Variants in NEDD4L observed in about 807,000 individuals in gnomAD.
NEDD4L encodes E3 ubiquitin-protein ligase NEDD4-like.
Under a neutral mutation model 148.9 loss-of-function variants are expected in NEDD4L, and 54 were observed. That is an observed-to-expected ratio of 0.36 (90% CI 0.29 to 0.45). The LOEUF is 0.45. Among genes scored for constraint, NEDD4L ranks in the 20% least tolerant of loss-of-function variants. The probability of loss-of-function intolerance (pLI) is 1.00; values close to 1 mark genes in which losing one functional copy is unlikely to be tolerated. For synonymous variants in NEDD4L, 433 were observed against 440.7 expected (o/e 0.98, Z 0.22); for missense variants, 856 against 1,233.8 (o/e 0.69, Z 4.59).
chr18:58,189,434 T>G (rs73450421), intron 2 of NEDD4L, among the ~76,000 whole-genome samples: 3,523 of 152,284 alleles, frequency 0.023, 131 homozygotes, highest in African/African-American at 0.079. Context: ...GGCTATGTTT[T>G]AAAACCCTCG....
chr18:58,255,898 G>A (rs1436614292), intron 5 of NEDD4L: 2 of 1,231,960 alleles, frequency 1.6e-6, no homozygotes, highest in East Asian at 3.2e-5. Flanking sequence ...CCCGCCCCAC[G>A]TGCAGCTCCT....
At chr18:58,046,308 T>C (rs1397024370) in intron 1 of NEDD4L, 1 of 150,958 alleles carries the variant, frequency 6.6e-6, no homozygotes, top group Non-Finnish European at 1.5e-5. Flanking sequence ...TTGCATCCTC[T>C]ACTTCTCCAT....
At chr18:58,361,800 C>T (rs1310632953) in intron 19 of NEDD4L, among the ~76,000 whole-genome samples, 1 of 151,988 alleles carries the variant, frequency 6.6e-6, no homozygotes, top group Non-Finnish European at 1.5e-5. Context: ...TCATTTTTCA[C>T]GTAGACCTAT....
At chr18:58,344,770 C>T (rs990238026) in intron 16 of NEDD4L, among the ~76,000 whole-genome samples, 5 of 152,076 alleles carry the variant, frequency 3.3e-5, no homozygotes, top group Admixed American at 1.3e-4. Flanking sequence ...GGCTGTCCTG[C>T]CAGTGTTCTC....
intron 6 of NEDD4L, among the ~76,000 whole-genome samples, chr18:58,317,753 A>G (rs2058420553): frequency 6.6e-6 from 1 of 152,198 alleles, no homozygotes; most frequent in Non-Finnish European, 1.5e-5. Flanking sequence ...GGCACAGGGC[A>G]GGAATAGAAG....
At chr18:58,075,702 G>A (rs547576737) in intron 1 of NEDD4L, among the ~76,000 whole-genome samples, 222 of 152,214 alleles carry the variant, frequency 1.5e-3, no homozygotes, top group Middle Eastern at 0.014. Context: ...GAGGCGGGAG[G>A]GTCACTTGAG....
At chr18:58,143,453 G>A (rs1311106949) in intron 1 of NEDD4L, among the ~76,000 whole-genome samples, 1 of 152,182 alleles carries the variant, frequency 6.6e-6, no homozygotes, top group East Asian at 1.9e-4. Flanking sequence ...GTTTATTTCT[G>A]CATTTCTCCC....
At chr18:58,390,797 T>C (rs1335651196) in intron 29 of NEDD4L, 55 bp downstream of exon 29, 2 of 1,334,614 alleles carry the variant, frequency 1.5e-6, no homozygotes, top group East Asian at 5.0e-5. Flanking sequence ...CAGCCAGGCA[T>C]GAACTCTGGC....
At chr18:58,353,125 C>T (rs2044133384) in intron 18 of NEDD4L, among the ~76,000 whole-genome samples, 1 of 152,142 alleles carries the variant, frequency 6.6e-6, no homozygotes, top group African/African-American at 2.4e-5. Context: ...GTAGGTGCCC[C>T]CACTCCGGCT....
At chr18:58,393,396 T>C (rs2050080767) in intron 30 of NEDD4L, among the ~76,000 whole-genome samples, 1 of 152,180 alleles carries the variant, frequency 6.6e-6, no homozygotes, top group Non-Finnish European at 1.5e-5. Context: ...CCAGATGATT[T>C]TTATAGGCTG....
intron 1 of NEDD4L, among the ~76,000 whole-genome samples, chr18:58,164,402 AAACTGTTG>A (rs2036593354): frequency 6.6e-6 from 1 of 152,224 alleles, no homozygotes; most frequent in Non-Finnish European, 1.5e-5. Context: ...ATCTTTTAAA[AAACTGTTG>A]TACTTTAGAA....
At chr18:58,097,883 T>C (rs1395251555) in intron 1 of NEDD4L, among the ~76,000 whole-genome samples, 1 of 151,960 alleles carries the variant, frequency 6.6e-6, no homozygotes, top group African/African-American at 2.4e-5. Flanking sequence ...AATAAAAAAT[T>C]AGCTGGATGT....
In NEDD4L at chr18:58,326,853, G is replaced by A. The variant is rs150263073; in HGVS notation, c.680+1691G>A. 5.3e-5 allele frequency among the ~76,000 whole-genome samples: 8 copies of A among 152,232 alleles called. No individual in the cohort carries two copies. In the East Asian group the frequency reaches 1.5e-3, roughly 29 times the overall value. On this transcript the variant is annotated intron_variant, in intron 9 of 30. Coordinates refer to ENST00000400345, the MANE Select transcript of NEDD4L (RefSeq NM_001144967.3). ...CTCACAGAGTTGTGAAACTAACGAG[G>A]GAATTCTTGAGAAAACACTTCATAC...
intron 5 of NEDD4L, among the ~76,000 whole-genome samples, chr18:58,301,026 G>A (rs200254656): frequency 1.6e-4 from 24 of 152,188 alleles, no homozygotes; most frequent in East Asian, 9.6e-4. Context: ...TTAGCCCCAC[G>A]TTTTATACAG....
At chr18:58,051,932 A>G (rs1038179152) in intron 1 of NEDD4L, among the ~76,000 whole-genome samples, 1 of 152,208 alleles carries the variant, frequency 6.6e-6, no homozygotes, top group South Asian at 2.1e-4. Context: ...CCAGGTCACA[A>G]CTGTATTTCA....
At position 58,234,633 on chromosome 18, in the gene NEDD4L, T is replaced by G. The variant is rs555791994; in HGVS notation, c.123-10794T>G. Among the ~76,000 whole-genome samples, 6 of 152,304 alleles carry G rather than the reference T, an allele frequency of 3.9e-5. No homozygotes were observed. The South Asian group carries it at 1.2e-3, about 32-fold the overall frequency. On this transcript the variant is annotated intron_variant, in intron 2 of 30. Coordinates refer to ENST00000400345, the MANE Select transcript of NEDD4L (RefSeq NM_001144967.3). ...TACAGGCATGAGCCACTGTGCCTGG[T>G]GACCTCATTTGAACTTGATTACCTC...
At chr18:58,188,333 G>A (rs974250609) in intron 2 of NEDD4L, among the ~76,000 whole-genome samples, 1 of 152,182 alleles carries the variant, frequency 6.6e-6, no homozygotes, top group Admixed American at 6.5e-5. Context: ...CAGCATTAGC[G>A]TCACCTGGGA....
chr18:58,175,822 T>G (rs1162591804), intron 2 of NEDD4L, among the ~76,000 whole-genome samples: 1 of 152,216 alleles, frequency 6.6e-6, no homozygotes, highest in Non-Finnish European at 1.5e-5. Context: ...TACATTTTTG[T>G]GTTTACCTCC....
At chr18:58,328,947 A>T (rs781470073) in intron 9 of NEDD4L, 48 bp from the exon 10 acceptor site, 1 of 1,612,022 alleles carries the variant, frequency 6.2e-7, no homozygotes, top group Admixed American at 1.7e-5. Context: ...GAAGGGCCCG[A>T]TCTCAACCAC....
Sources: gnomAD v4.1 joint callset for allele counts (sites outside exome capture counted in the v4.1 genomes callset) on GRCh38, gnomAD v4.1.1 for gene constraint, MANE v1.5 for transcripts, NCBI Gene and HGNC (gene_info 2026-07-23, HGNC 2026-07-21) for gene names.